The following SLC8B1 variants were observed in gnomAD, a reference collection of about 807,000 sequenced individuals.
SLC8B1 encodes the protein mitochondrial sodium/calcium exchanger protein.
Under a neutral mutation model 63.4 loss-of-function variants are expected in SLC8B1, and 52 were observed. The ratio of observed to expected loss-of-function variants is 0.82; its 90% CI spans 0.66 to 1.03. The LOEUF (loss-of-function observed/expected upper bound fraction) is 1.03, where lower values mean the gene tolerates loss of function less well. Ranked by LOEUF, SLC8B1 falls within the 50% of genes least tolerant of loss-of-function variation. The probability of loss-of-function intolerance (pLI) is 0.00; values close to 1 mark genes in which losing one functional copy is unlikely to be tolerated. For synonymous variants in SLC8B1, 336 were observed against 323.9 expected, an observed-to-expected ratio of 1.04 and a Z score of -0.40; for missense variants, 657 against 741.7, an observed-to-expected ratio of 0.89 and a Z score of 1.33.
At chr12:113,310,073 T>C (rs61932119) in intron 12 of SLC8B1, among the ~76,000 whole-genome samples, 161 bp downstream of exon 12, 9,983 of 151,830 alleles carry the variant, frequency 0.066, 357 homozygotes, top group Middle Eastern at 0.076. Context: ...AAACCCTGTA[T>C]AGATACAAAC....
intron 14 of SLC8B1, among the ~76,000 whole-genome samples, chr12:113,306,066 C>T (rs1325866422): frequency 5.5e-5 from 1 of 18,088 alleles, no homozygotes; most frequent in Non-Finnish European, 1.2e-4. Flanking sequence ...CCCCACCCTG[C>T]AAAAAAAAAA....
intron 11 of SLC8B1, among the ~76,000 whole-genome samples, 200 bp from the exon 12 acceptor site, chr12:113,310,555 ACT>A (rs1443638079): frequency 6.6e-6 from 1 of 151,922 alleles, no homozygotes; most frequent in African/African-American, 2.4e-5. Flanking sequence ...CACAAAAAAG[ACT>A]CTCTCCAGCC....
At chr12:113,332,507 C>T (rs1463646360) in intron 2 of SLC8B1, among the ~76,000 whole-genome samples, 1 of 152,180 alleles carries the variant, frequency 6.6e-6, no homozygotes, top group Non-Finnish European at 1.5e-5. Flanking sequence ...TCAAGTGATC[C>T]TCCTGCCTTG....
chr12:113,333,001 A>G, intron 1 of SLC8B1, 41 bp from the exon 2 acceptor site: 1 of 1,250,764 alleles, frequency 8.0e-7, no homozygotes, highest in Non-Finnish European at 1.1e-6. Flanking sequence ...CATTACTGAA[A>G]ACCCATGGAC....
intron 10 of SLC8B1, among the ~76,000 whole-genome samples, chr12:113,315,987 G>C (rs1956829396): frequency 6.6e-6 from 1 of 152,220 alleles, no homozygotes; most frequent in Non-Finnish European, 1.5e-5. Flanking sequence ...CACTTTAGGA[G>C]GCCGAGGCGG....
chr12:113,329,207 T>C (rs996289587), intron 2 of SLC8B1, among the ~76,000 whole-genome samples: 2 of 152,164 alleles, frequency 1.3e-5, no homozygotes, highest in Non-Finnish European at 2.9e-5. Context: ...CACAATTGTT[T>C]CCACTTCACA....
At chr12:113,319,341 G>A (rs1306063524) in intron 7 of SLC8B1, 1 of 392,426 alleles carries the variant, frequency 2.5e-6, no homozygotes, top group Non-Finnish European at 4.8e-6. Context: ...ACTAAGGGTC[G>A]GTGTCCTGCT....
chr12:113,327,892 C>T (rs1469835001), intron 2 of SLC8B1, among the ~76,000 whole-genome samples: 1 of 150,346 alleles, frequency 6.7e-6, no homozygotes, highest in East Asian at 2.0e-4. Flanking sequence ...GCAGGAGAAT[C>T]GCTTGAACCC....
intron 2 of SLC8B1, among the ~76,000 whole-genome samples, chr12:113,323,581 C>T (rs757313148): frequency 6.6e-6 from 1 of 152,040 alleles, no homozygotes; most frequent in Admixed American, 6.6e-5. Context: ...TGGTGACATC[C>T]ACCTGTAGTC....
At chr12:113,310,392 G>C in intron 11 of SLC8B1, 37 bp from the exon 12 acceptor site, 1 of 1,601,806 alleles carries the variant, frequency 6.2e-7, no homozygotes. Context: ...TACCTTCCCA[G>C]CACCTCAACA....
chr12:113,320,904 G>A lies in SLC8B1; in HGVS notation c.366C>T (p.Phe122=), dbSNP rs1566239313. 6.2e-7 allele frequency: 1 copy of A among 1,605,314 alleles called. No homozygotes were observed. Among genetic ancestry groups the A allele is most frequent in the Non-Finnish European group, 8.5e-7 (1 of 1,176,858 alleles). The change falls in exon 5 of 16, where the codon TTC becomes TTT. Residue 122 remains phenylalanine (F), a synonymous_variant. Coordinates refer to ENST00000680972, the MANE Select transcript of SLC8B1 (RefSeq NM_001358345.2). The surrounding 1 kb of genome is among the most constrained non-coding windows in gnomAD (Gnocchi z 5.3). ...LILGVTAAKF[F]CPNLSAISTT... ...TAGAAATGGCCGACAAGTTGGGGCA[G>A]AAACTACGGAGAAAAAGCGGACGGG...
rs1217247601 is a variant in SLC8B1, at chr12:113,318,958, T to A, written c.802+6A>T. On this transcript the variant is annotated splice_donor_region_variant and intron_variant, in intron 8 of 15. Coordinates refer to ENST00000680972, the MANE Select transcript of SLC8B1 (RefSeq NM_001358345.2). ...GTCCTCTCTGGGGTCCGATGCAGACTCTTACCTGGAGTAACTGGCATGGGG... is the reference window on the plus strand; with the variant it reads ...GTCCTCTCTGGGGTCCGATGCAGACACTTACCTGGAGTAACTGGCATGGGG... The A allele has an allele frequency of 1.2e-6, 2 of 1,613,084 alleles. No individual in the cohort carries two copies. The highest frequency in any genetic ancestry group is 1.7e-6 in the Non-Finnish European group (2 of 1,179,126).
intron 11 of SLC8B1, among the ~76,000 whole-genome samples, chr12:113,312,177 T>C (rs1956773119): frequency 6.6e-6 from 1 of 152,024 alleles, no homozygotes; most frequent in Non-Finnish European, 1.5e-5. Flanking sequence ...CTCACACCTA[T>C]AATCCCAGCA....
At chr12:113,310,204 C>A in intron 12 of SLC8B1, 30 bp downstream of exon 12, 2 of 1,608,118 alleles carry the variant, frequency 1.2e-6, no homozygotes, top group South Asian at 1.1e-5. Context: ...CATCCCTCCC[C>A]CCCCATCTCG....
intron 8 of SLC8B1, 142 bp downstream of exon 8, chr12:113,318,822 C>T: frequency 1.6e-6 from 1 of 631,276 alleles, no homozygotes; most frequent in East Asian, 2.9e-5. Context: ...GAGGCGGGAC[C>T]TCAGCAGAAT....
In SLC8B1 at chr12:113,332,734, G is replaced by A. The variant is rs1475970451; in HGVS notation, c.145C>T (p.Pro49Ser). The A allele has an allele frequency of 6.2e-7, 1 of 1,613,814 alleles. No homozygotes were observed. The highest frequency in any genetic ancestry group is 1.7e-5 in the Admixed American group (1 of 59,966). ...QFPASGVNQT[P>S]VVDCRKVCGL... ...ACCGGGATACTCACGTCTACCACGG[G>A]GGTCTGGTTCACACCTGAAGCTGGA... is the stretch of plus-strand genomic sequence containing the variant. Residue 49 changes from proline to serine, a missense_variant, in exon 2 of 16, where the codon CCC becomes TCC. Coordinates refer to ENST00000680972, the MANE Select transcript of SLC8B1 (RefSeq NM_001358345.2).
Position 113,334,655 on chromosome 12 carries a change from C to A in SLC8B1, c.-295G>T, listed in dbSNP as rs1957104909. 6.6e-6 allele frequency: 1 copy of A among 152,230 alleles called. No homozygotes were observed. The highest frequency in any genetic ancestry group is 1.5e-5 in the Non-Finnish European group (1 of 68,048). 9.4% of individuals were successfully genotyped at this position (152,230 alleles called of 1,614,324 possible). ...GTGTGAAATGGACACAAATGCTGGC[C>A]GACGCGGTATACAATAAGAGCTCAA... On this transcript the variant is annotated 5_prime_UTR_variant, in exon 1 of 16. Coordinates refer to ENST00000680972, the MANE Select transcript of SLC8B1 (RefSeq NM_001358345.2).
At chr12:113,333,681 G>C (rs1291840448) in intron 1 of SLC8B1, among the ~76,000 whole-genome samples, 2 of 151,868 alleles carry the variant, frequency 1.3e-5, no homozygotes, top group African/African-American at 4.8e-5. Context: ...CTGCACAGCA[G>C]GGAGAGGGGC....
chr12:113,328,248 C>T (rs889883576), intron 2 of SLC8B1, among the ~76,000 whole-genome samples: 3 of 152,170 alleles, frequency 2.0e-5, no homozygotes, highest in African/African-American at 7.2e-5. Context: ...AGGCTAGTCT[C>T]AAACTCCTGG....
Sources: allele counts gnomAD v4.1 joint callset (sites outside exome capture counted in the v4.1 genomes callset), GRCh38; gene constraint gnomAD v4.1.1; non-coding constraint Gnocchi (gnomAD v3.1); transcripts MANE v1.5; gene names NCBI Gene and HGNC (gene_info 2026-07-23, HGNC 2026-07-21).